The following EFCAB9 variants were observed in gnomAD, a reference collection of about 807,000 sequenced individuals.
EFCAB9 encodes the protein EF-hand calcium-binding domain-containing protein 9.
EFCAB9 carries 16 observed loss-of-function variants against 15.6 expected under a neutral mutation model. That is an observed-to-expected ratio of 1.03 (90% confidence interval 0.69 to 1.56). EFCAB9 has a LOEUF of 1.56. EFCAB9 is among the 40% of genes most tolerant of loss of function. EFCAB9 has a pLI of 0.00. For missense variants in EFCAB9, 208 were observed against 235.4 expected, an observed-to-expected ratio of 0.88 and a Z score of 0.76; for synonymous variants, 76 against 85.4, an observed-to-expected ratio of 0.89 and a Z score of 0.61.
At chr5:172,202,331 T>TCAAAAAA (rs1771268054) in intron 3 of EFCAB9, among the ~76,000 whole-genome samples, 1 of 18,126 alleles carries the variant, frequency 5.5e-5, no homozygotes, top group Non-Finnish European at 8.3e-5. Flanking sequence ...AGACTTCATC[T>TCAAAAAA]CAAAAAAAAA....
At chr5:172,195,991 C>T (rs1346435844) in intron 1 of EFCAB9, among the ~76,000 whole-genome samples, 8 of 151,948 alleles carry the variant, frequency 5.3e-5, no homozygotes, top group South Asian at 2.1e-4. Context: ...TTAGTAAAGA[C>T]GGGCGGGGTT....
At chr5:172,199,555 C>T in intron 2 of EFCAB9, 24 bp downstream of exon 2, 3 of 1,535,886 alleles carry the variant, frequency 2.0e-6, no homozygotes, top group Non-Finnish European at 2.6e-6. Context: ...CGGCTGCTGC[C>T]ATCCTCTTGC....
intron 1 of EFCAB9, among the ~76,000 whole-genome samples, chr5:172,197,315 C>A (rs1402496286): frequency 1.3e-5 from 2 of 152,122 alleles, no homozygotes; most frequent in African/African-American, 2.4e-5. Flanking sequence ...CCATGTTGGT[C>A]AGGCTGATCT....
rs1771286012 is a variant in EFCAB9 at position 172,203,196 on chromosome 5, CCCCCA to C, written c.463-14_463-10del. On this transcript the variant is annotated splice_polypyrimidine_tract_variant and intron_variant, in intron 3 of 3. Transcript: ENST00000398186. ...TTTTCCTGAAATAATTTTTCTTTCC[CCCCCA>C]CCCTAACCAAAGCGTCTTAATTATC... The C allele has an allele frequency of 2.2e-6, 3 of 1,359,746 alleles. No homozygotes were observed. Among genetic ancestry groups the C allele is most frequent in the Middle Eastern group, 1.8e-4 (1 of 5,472 alleles). 84.2% of individuals were successfully genotyped at this position (1,359,746 alleles called of 1,614,324 possible). A position where few individuals can be genotyped will look rare whatever the true frequency, so the allele number is the denominator to read the frequency against.
chr5:172,200,873 C>A (rs1771246007), intron 3 of EFCAB9, 131 bp downstream of exon 3: 4 of 889,326 alleles, frequency 4.5e-6, no homozygotes, highest in Middle Eastern at 3.5e-4. Flanking sequence ...AAGCACATTG[C>A]ATGGCACAAG....
intron 1 of EFCAB9, among the ~76,000 whole-genome samples, chr5:172,196,697 G>A (rs1047689391): frequency 6.6e-6 from 1 of 152,112 alleles, no homozygotes; most frequent in Non-Finnish European, 1.5e-5. Flanking sequence ...TTCTTATGCA[G>A]GAGAGAGTTT....
intron 1 of EFCAB9, among the ~76,000 whole-genome samples, chr5:172,195,672 TCA>T (rs1771148199): frequency 6.6e-6 from 1 of 152,190 alleles, no homozygotes. Context: ...TGTCTTCTGG[TCA>T]CAGAGGGACT....
intron 1 of EFCAB9, among the ~76,000 whole-genome samples, chr5:172,196,564 C>T (rs1348157402): frequency 3.3e-5 from 5 of 151,948 alleles, no homozygotes; most frequent in Middle Eastern, 3.2e-3. Context: ...TTAGTAGAGA[C>T]GAGGTTTCTC....
intron 1 of EFCAB9, 65 bp downstream of exon 1, chr5:172,194,373 C>G: frequency 6.7e-7 from 1 of 1,491,504 alleles, no homozygotes; most frequent in Non-Finnish European, 8.9e-7. Context: ...TGTAAGAAAA[C>G]TTGCAGAGCC....
intron 1 of EFCAB9, among the ~76,000 whole-genome samples, chr5:172,196,473 G>A (rs751922115): frequency 6.6e-5 from 10 of 151,218 alleles, no homozygotes; most frequent in Non-Finnish European, 1.3e-4. Context: ...TGTAACCTCC[G>A]CCTCCTGGGT....
chr5:172,200,478 G>T (rs1436293569), intron 2 of EFCAB9, 88 bp from the exon 3 acceptor site: 5 of 1,324,050 alleles, frequency 3.8e-6, no homozygotes, highest in Non-Finnish European at 5.0e-6. Flanking sequence ...CTAGGGAAGG[G>T]GCTGGTGAAG....
intron 3 of EFCAB9, among the ~76,000 whole-genome samples, chr5:172,201,549 AAAACAAAC>A (rs71577525): frequency 7.9e-5 from 12 of 151,594 alleles, no homozygotes; most frequent in Middle Eastern, 3.2e-3. Context: ...TCCATCTTAA[AAAACAAAC>A]AAACAAACAA....
rs1351210120 is a variant in EFCAB9, at chr5:172,199,386, T to A, written c.140T>A (p.Val47Glu). The change falls in exon 2 of 4, where the codon GTG becomes GAG. Residue 47 changes from valine to glutamate, a missense_variant. Val to Glu is a moderately radical substitution (Grantham distance 121). Coordinates refer to ENST00000398186, the MANE Select transcript of EFCAB9 (RefSeq NM_001171183.2). ...DVHGKNTLND[V>E]LFYHFLHHVT... is the part of the protein sequence containing the mutation. ...CCTCACCTGCCCACCTTAACAGATG[T>A]GCTGTTCTATCACTTCCTTCATCAT... 6.5e-7 allele frequency: 1 copy of A among 1,537,114 alleles called. No homozygotes were observed. The highest frequency in any genetic ancestry group is 2.0e-5 in the Admixed American group (1 of 50,976).
At chr5:172,194,995 T>A (rs1365427861) in intron 1 of EFCAB9, among the ~76,000 whole-genome samples, 2 of 151,946 alleles carry the variant, frequency 1.3e-5, no homozygotes, top group African/African-American at 2.4e-5. Context: ...AAGGACTTAA[T>A]AAGTGTTTGT....
At chr5:172,195,153 AAAAT>A (rs3028127) in intron 1 of EFCAB9, among the ~76,000 whole-genome samples, 104 of 145,090 alleles carry the variant, frequency 7.2e-4, no homozygotes, top group Admixed American at 1.3e-3. Flanking sequence ...TGAATGACCA[AAAAT>A]AAATAAATAA....
chr5:172,195,193 A>AATAAAT (rs1771140299), intron 1 of EFCAB9, among the ~76,000 whole-genome samples: 1 of 148,952 alleles, frequency 6.7e-6, no homozygotes, highest in African/African-American at 2.5e-5. Flanking sequence ...AAAATAAATA[A>AATAAAT]ATAAATAAAT....
intron 1 of EFCAB9, among the ~76,000 whole-genome samples, chr5:172,195,298 G>A (rs766247455): frequency 5.3e-5 from 8 of 152,150 alleles, no homozygotes; most frequent in Non-Finnish European, 7.4e-5. Context: ...GGACTGAGTA[G>A]AAATAAGGTA....
At chr5:172,195,830 C>T (rs58727917) in intron 1 of EFCAB9, among the ~76,000 whole-genome samples, 9,798 of 151,902 alleles carry the variant, frequency 0.065, 1,020 homozygotes, top group African/African-American at 0.22. Context: ...TTTATTGGGA[C>T]GGAGTCTCGC....
chr5:172,202,437 A>G (rs982031020), intron 3 of EFCAB9, among the ~76,000 whole-genome samples: 3 of 151,632 alleles, frequency 2.0e-5, no homozygotes, highest in Non-Finnish European at 4.4e-5. Flanking sequence ...GCTGGGCACC[A>G]TGGCTCATGA....
Sources: allele counts gnomAD v4.1 joint callset (sites outside exome capture counted in the v4.1 genomes callset), GRCh38; gene constraint gnomAD v4.1.1; transcripts MANE v1.5; gene names NCBI Gene and HGNC (gene_info 2026-07-23, HGNC 2026-07-21).